Variants in ANKRD30BL observed in about 807,000 individuals in gnomAD.
The protein encoded by ANKRD30BL is putative ankyrin repeat domain-containing protein 30B-like.
Under a neutral mutation model 18.4 loss-of-function variants are expected in ANKRD30BL, and 20 were observed. The observed-to-expected ratio is 1.09, with a 90% CI of 0.77 to 1.58. ANKRD30BL has a LOEUF of 1.58. Among genes scored for constraint, ANKRD30BL ranks in the 40% most tolerant of loss-of-function variants. The pLI, the probability that ANKRD30BL is intolerant of heterozygous loss-of-function variation, is 0.00. For missense variants in ANKRD30BL, 224 were observed against 268.6 expected (o/e 0.83, Z 1.16); for synonymous variants, 72 against 100.9 (o/e 0.71, Z 1.72).
chr2:132,221,226 C>T (rs533130286), intron 1 of ANKRD30BL, among the ~76,000 whole-genome samples: 6 of 142,872 alleles, frequency 4.2e-5, no homozygotes, highest in East Asian at 4.2e-4. Context: ...CCAGCCGCCC[C>T]GTCCGGGAGG....
At chr2:132,158,238 C>T (rs1173202080) in intron 1 of ANKRD30BL, among the ~76,000 whole-genome samples, 1 of 152,054 alleles carries the variant, frequency 6.6e-6, no homozygotes, top group Non-Finnish European at 1.5e-5. Flanking sequence ...ACTGTTAAAA[C>T]AAAGTACTTC....
At chr2:132,256,272 G>T (rs1680832687) in intron 1 of ANKRD30BL, among the ~76,000 whole-genome samples, 1 of 150,734 alleles carries the variant, frequency 6.6e-6, no homozygotes, top group East Asian at 2.0e-4. Flanking sequence ...CAGGGCGGGC[G>T]ATGGGGCGTG....
At chr2:132,162,528 G>T (rs1245876767), upstream of ANKRD30BL, among the ~76,000 whole-genome samples, 1 of 152,204 alleles carries the variant, frequency 6.6e-6, no homozygotes, top group East Asian at 1.9e-4. Context: ...TTTGCGGCAG[G>T]TTCCCACGAT....
chr2:132,201,167 T>G (rs1013114419), intron 1 of ANKRD30BL, among the ~76,000 whole-genome samples: 1 of 152,142 alleles, frequency 6.6e-6, no homozygotes, highest in Non-Finnish European at 1.5e-5. Flanking sequence ...AAGACTTAAA[T>G]GTTAGACCTA....
At chr2:132,149,210 T>C (rs1687693382) in intron 5 of ANKRD30BL, among the ~76,000 whole-genome samples, 1 of 152,256 alleles carries the variant, frequency 6.6e-6, no homozygotes, top group African/African-American at 2.4e-5. Context: ...CTTTTGTTAT[T>C]GTGAAAATTT....
At chr2:132,253,674 C>T (rs76125924) in intron 1 of ANKRD30BL, among the ~76,000 whole-genome samples, 9 of 152,082 alleles carry the variant, frequency 5.9e-5, no homozygotes, top group African/African-American at 7.2e-5. Context: ...GAGGGAGGGG[C>T]GGGCCCCTCC....
intron 1 of ANKRD30BL, among the ~76,000 whole-genome samples, chr2:132,252,448 C>T (rs1250980578): frequency 1.1e-4 from 16 of 151,818 alleles, no homozygotes; most frequent in Admixed American, 2.6e-4. Context: ...CAGGGGCAAG[C>T]GAACCACGGG....
At chr2:132,256,915 G>A (rs1449472634) in intron 1 of ANKRD30BL, 4 of 471,360 alleles carry the variant, frequency 8.5e-6, no homozygotes, top group African/African-American at 7.9e-5. Flanking sequence ...GCAAGGCCAG[G>A]GACCGCGAGG....
Position 132,249,570 on chromosome 2 carries a change from A to G in ANKRD30BL, n.441+7959T>C, listed in dbSNP as rs10153950. Among the ~76,000 whole-genome samples the G allele has an allele frequency of 2.0e-4, 30 of 152,166 alleles. 1 individual carries two copies. In the South Asian group the frequency reaches 6.0e-3, roughly 30 times the overall value. ...AAGTGCTCAATCAGAAGAATGGTTC[A>G]ACTCTGTGAGATGAATGTACACATC... is the stretch of plus-strand genomic sequence containing the variant. On this transcript the variant is annotated intron_variant and non_coding_transcript_variant, in intron 1 of 4. Coordinates refer to the ANKRD30BL transcript ENST00000470729.
intron 1 of ANKRD30BL, among the ~76,000 whole-genome samples, chr2:132,229,349 T>C (rs1027527888): frequency 2.0e-5 from 3 of 152,074 alleles, no homozygotes; most frequent in African/African-American, 7.2e-5. Context: ...TCTAGAAAGT[T>C]GAACATTTCT....
intron 1 of ANKRD30BL, among the ~76,000 whole-genome samples, chr2:132,221,499 T>A (rs1399376625): frequency 1.8e-5 from 2 of 109,606 alleles, no homozygotes; most frequent in African/African-American, 8.8e-5. Context: ...TACTGGGAAG[T>A]GAGGAGCCCC....
chr2:132,158,244 A>T (rs1436567698), intron 1 of ANKRD30BL, among the ~76,000 whole-genome samples: 1 of 152,156 alleles, frequency 6.6e-6, no homozygotes, highest in African/African-American at 2.4e-5. Flanking sequence ...AAAACAAAGT[A>T]CTTCTTTAAT....
intron 1 of ANKRD30BL, among the ~76,000 whole-genome samples, chr2:132,159,870 A>AT (rs1688009266): frequency 6.6e-6 from 1 of 152,256 alleles, no homozygotes; most frequent in East Asian, 1.9e-4. Flanking sequence ...TGCTTTTATC[A>AT]TTTTGTATAT....
intron 1 of ANKRD30BL, among the ~76,000 whole-genome samples, chr2:132,220,895 G>A (rs568933670): frequency 3.1e-4 from 47 of 149,902 alleles, no homozygotes; most frequent in African/African-American, 9.1e-4. Flanking sequence ...CTGCCCGGCC[G>A]CCATCCCATC....
chr2:132,245,933 G>A (rs541120902), intron 1 of ANKRD30BL, among the ~76,000 whole-genome samples: 3 of 151,832 alleles, frequency 2.0e-5, no homozygotes, highest in East Asian at 3.9e-4. Context: ...GCACTTTGAG[G>A]CCTATGGTGA....
Position 132,220,554 on chromosome 2 carries a change from C to T in ANKRD30BL, n.441+36975G>A, listed in dbSNP as rs937016349. On this transcript the variant is annotated intron_variant and non_coding_transcript_variant, in intron 1 of 4. Coordinates refer to the ANKRD30BL transcript ENST00000470729. ...GGTTTTCGTTTTTTTTTGGTGGAGA[C>T]GGGGTTTCGCTGTGTTGGCCAGGCC... 2.8e-4 allele frequency among the ~76,000 whole-genome samples: 43 copies of T among 151,938 alleles called. 1 individual carries two copies. Among genetic ancestry groups the T allele is most frequent in the African/African-American group, 9.4e-4 (39 of 41,394 alleles).
At chr2:132,181,810 G>C (rs1442250334) in intron 1 of ANKRD30BL, among the ~76,000 whole-genome samples, 1 of 152,120 alleles carries the variant, frequency 6.6e-6, no homozygotes, top group African/African-American at 2.4e-5. Context: ...GAACTGTTTA[G>C]GTCAAATTTT....
chr2:132,182,879 G>A (rs981653655), intron 1 of ANKRD30BL, among the ~76,000 whole-genome samples: 12 of 151,942 alleles, frequency 7.9e-5, no homozygotes, highest in African/African-American at 2.9e-4. Context: ...ATAGAACCCC[G>A]ACAGATAAAT....
intron 1 of ANKRD30BL, among the ~76,000 whole-genome samples, chr2:132,221,611 G>T (rs1247157307): frequency 1.6e-5 from 2 of 128,286 alleles, no homozygotes; most frequent in African/African-American, 6.9e-5. Context: ...TCAGCCCCCC[G>T]CCCGGCCAGC....
Sources: allele counts gnomAD v4.1 joint callset (sites outside exome capture counted in the v4.1 genomes callset), GRCh38; gene constraint gnomAD v4.1.1; transcripts MANE v1.5; gene names NCBI Gene and HGNC (gene_info 2026-07-23, HGNC 2026-07-21).